The following REXO5 variants were observed in gnomAD, a reference collection of about 807,000 sequenced individuals.
REXO5 encodes the protein exonuclease NEF-sp.
Under a neutral mutation model 88.5 loss-of-function variants are expected in REXO5, and 48 were observed. The observed-to-expected ratio is 0.54, with a 90% CI of 0.43 to 0.69. The LOEUF is 0.69. REXO5 is among the 30% of genes least tolerant of loss of function. REXO5 has a pLI of 0.00. For synonymous variants in REXO5, 311 were observed against 336.5 expected, an observed-to-expected ratio of 0.92 and a Z score of 0.83; for missense variants, 749 against 912.2, an observed-to-expected ratio of 0.82 and a Z score of 2.30.
chr16:20,840,210 G>T, intron 14 of REXO5, 121 bp from the exon 15 acceptor site: 2 of 818,570 alleles, frequency 2.4e-6, no homozygotes, highest in Admixed American at 3.3e-5. Flanking sequence ...GAACATCCTT[G>T]GACATTTGGC....
In REXO5 at chr16:20,849,405, T is replaced by G; in HGVS notation, c.2250T>G (p.His750Gln). 3 of 1,613,700 alleles carry G rather than the reference T, an allele frequency of 1.9e-6. No individual in the cohort carries two copies. Among genetic ancestry groups the G allele is most frequent in the Non-Finnish European group, 2.5e-6 (3 of 1,179,638 alleles). Residue 750 changes from histidine (H) to glutamine (Q), a missense_variant, in exon 20 of 20, where the codon CAT becomes CAG. Physicochemically the swap from His to Gln is conservative, Grantham distance 24 (BLOSUM62 0). Coordinates refer to ENST00000261377, the MANE Select transcript of REXO5 (RefSeq NM_030941.3). ...LILLPGTKST[H>Q]GSLSGLGLMG... is the part of the protein sequence containing the mutation. Reference sequence around the variant, plus strand: ...TGTTTCTTATTTATTGCAGCACTCATGGTTCACTCTCTGGTCTAGGACTGA... The same window carrying G: ...TGTTTCTTATTTATTGCAGCACTCAGGGTTCACTCTCTGGTCTAGGACTGA...
At chr16:20,827,485 A>C (rs1366823986) in intron 10 of REXO5, 38 bp downstream of exon 10, 1 of 1,452,204 alleles carries the variant, frequency 6.9e-7, no homozygotes, top group East Asian at 2.3e-5. Flanking sequence ...GTTCTGACAA[A>C]CTGCATACAA....
At chr16:20,837,322 A>C (rs2081447971) in intron 13 of REXO5, among the ~76,000 whole-genome samples, 1 of 152,254 alleles carries the variant, frequency 6.6e-6, no homozygotes, top group Non-Finnish European at 1.5e-5. Flanking sequence ...ATTCCAAGTC[A>C]CTTTTTATTG....
chr16:20,809,456 C>T (rs931514981), intron 2 of REXO5, among the ~76,000 whole-genome samples: 1 of 152,192 alleles, frequency 6.6e-6, no homozygotes, highest in African/African-American at 2.4e-5. Context: ...TCAAACAGTT[C>T]CTTAGTCTTC....
At position 20,830,353 on chromosome 16, in the gene REXO5, AT is replaced by A. The variant is rs796154415; in HGVS notation, c.1159-1789del. ...AGGTGCCTGCCACCACACCTTGCTA[AT>A]TTTTTTTTTTTTTGTATTTTTATTA... is the stretch of plus-strand genomic sequence containing the variant. On this transcript the variant is annotated intron_variant, in intron 11 of 19. Coordinates refer to ENST00000261377, the MANE Select transcript of REXO5 (RefSeq NM_030941.3). Among the ~76,000 whole-genome samples, 525 of 141,726 alleles carry A rather than the reference AT, an allele frequency of 3.7e-3. 1 individual carries two copies. Among genetic ancestry groups the A allele is most frequent in the Non-Finnish European group, 4.0e-3 (256 of 64,354 alleles). The allele number at this position is 141,726 out of a possible 152,430, so 93.0% of individuals were successfully genotyped here.
intron 10 of REXO5, among the ~76,000 whole-genome samples, 155 bp from the exon 11 acceptor site, chr16:20,828,280 G>T (rs1303836175): frequency 8.6e-5 from 13 of 152,038 alleles, no homozygotes; most frequent in Admixed American, 8.5e-4. Flanking sequence ...CGCAGGGCTG[G>T]GCAATTAGCT....
At chr16:20,829,447 TTTA>T (rs535955130) in intron 11 of REXO5, among the ~76,000 whole-genome samples, 10 of 152,204 alleles carry the variant, frequency 6.6e-5, no homozygotes, top group Admixed American at 2.6e-4. Flanking sequence ...TCTGACAAAC[TTTA>T]TTATAATGCA....
rs530614565 is a variant in REXO5, at chr16:20,840,849, A to G, written c.1626+381A>G. On this transcript the variant is annotated intron_variant, in intron 15 of 19. Transcript: ENST00000261377. ...AGAATTAAGAAATCTGTCAGTTTTC[A>G]TATGTTGGCTCCCATTTCTCAAATA... 1.8e-3 allele frequency among the ~76,000 whole-genome samples: 271 copies of G among 152,294 alleles called. 2 individuals carry two copies. Among genetic ancestry groups the G allele is most frequent in the African/African-American group, 6.1e-3 (254 of 41,574 alleles).
rs71973229 is a variant in REXO5 at position 20,821,288 on chromosome 16, T to TTTTG, written c.476-462_476-459dup. Reference sequence around the variant, plus strand: ...TGGGACTTCATTTTCTCTGTGTTTTTTTTGTTTGTTTGTTTTGAGACGGAG... The same window carrying TTTTG: ...TGGGACTTCATTTTCTCTGTGTTTTTTTTGTTTGTTTGTTTGTTTTGAGACGGAG... On this transcript the variant is annotated intron_variant, in intron 5 of 19. Coordinates refer to ENST00000261377, the MANE Select transcript of REXO5 (RefSeq NM_030941.3). Among the ~76,000 whole-genome samples, 102 of 152,252 alleles carry TTTTG rather than the reference T, an allele frequency of 6.7e-4. 1 individual carries two copies. The highest frequency in any genetic ancestry group is 4.6e-3 in the South Asian group (22 of 4,818).
Position 20,814,945 on chromosome 16 carries a change from T to C in REXO5, c.270T>C (p.His90=). ...TTGGCAGCTGGTGCCAGCTTTTTCA[T>C]CAAAACCACCTAAACAACGTAGTGG... ...VPKPSWCQLF[H]QNHLNNVVVF... The change falls in exon 4 of 20, where the codon CAT becomes CAC. Residue 90 remains histidine, a synonymous_variant. Coordinates refer to ENST00000261377, the MANE Select transcript of REXO5 (RefSeq NM_030941.3). 6.2e-7 allele frequency: 1 copy of C among 1,613,006 alleles called. No individual in the cohort carries two copies.
chr16:20,825,796 C>T (rs1234895434), intron 7 of REXO5, 37 bp from the exon 8 acceptor site: 20 of 1,434,296 alleles, frequency 1.4e-5, no homozygotes, highest in Non-Finnish European at 1.9e-5. Context: ...CAATAACTTC[C>T]ACAGTTCAGC....
chr16:20,835,904 G>C (rs1325867558), intron 13 of REXO5, among the ~76,000 whole-genome samples: 1 of 152,054 alleles, frequency 6.6e-6, no homozygotes, highest in Non-Finnish European at 1.5e-5. Flanking sequence ...GCCAGGCCTG[G>C]TAGCACATGC....
chr16:20,829,663 A>G (rs1407653454), intron 11 of REXO5, among the ~76,000 whole-genome samples: 1 of 152,202 alleles, frequency 6.6e-6, no homozygotes, highest in Non-Finnish European at 1.5e-5. Flanking sequence ...TACTGTTCTA[A>G]AATGCTGTAT....
chr16:20,831,283 G>A (rs2081340622), intron 11 of REXO5, among the ~76,000 whole-genome samples: 1 of 152,092 alleles, frequency 6.6e-6, no homozygotes, highest in African/African-American at 2.4e-5. Context: ...AGTCTGTTAT[G>A]TCACATAGTT....
intron 13 of REXO5, 45 bp downstream of exon 13, chr16:20,833,168 G>A: frequency 6.3e-7 from 1 of 1,588,782 alleles, no homozygotes; most frequent in Non-Finnish European, 8.6e-7. Context: ...CAAAGCAGAG[G>A]GGAATGTAGC....
At chr16:20,834,877 C>T (rs913261558) in intron 13 of REXO5, among the ~76,000 whole-genome samples, 3 of 152,262 alleles carry the variant, frequency 2.0e-5, no homozygotes, top group Admixed American at 2.0e-4. Flanking sequence ...AATATAGTTA[C>T]AATAACTATT....
intron 19 of REXO5, among the ~76,000 whole-genome samples, chr16:20,846,875 TC>T (rs984876557): frequency 5.9e-5 from 9 of 152,232 alleles, no homozygotes; most frequent in African/African-American, 2.2e-4. Context: ...GGTCTCAATG[TC>T]CTTTTAGTAA....
At chr16:20,840,697 G>A (rs2081513364) in intron 15 of REXO5, among the ~76,000 whole-genome samples, 1 of 152,204 alleles carries the variant, frequency 6.6e-6, no homozygotes, top group Non-Finnish European at 1.5e-5. Flanking sequence ...GCTGGGCGCA[G>A]TGGCCTATAC....
At chr16:20,818,920 G>A (rs2152502329) in intron 5 of REXO5, among the ~76,000 whole-genome samples, 1 of 152,300 alleles carries the variant, frequency 6.6e-6, no homozygotes, top group Admixed American at 6.5e-5. Flanking sequence ...TATTCTTCCT[G>A]ATGCTTTACC....
Sources: gnomAD v4.1 joint callset for allele counts (sites outside exome capture counted in the v4.1 genomes callset) on GRCh38, gnomAD v4.1.1 for gene constraint, MANE v1.5 for transcripts, NCBI Gene and HGNC (gene_info 2026-07-23, HGNC 2026-07-21) for gene names.